Variants in ELK3 observed in about 807,000 individuals in gnomAD.
ELK3 encodes ETS transcription factor ELK3.
Under a neutral mutation model 28.9 loss-of-function variants are expected in ELK3, and 10 were observed. The ratio of observed to expected loss-of-function variants is 0.35; its 90% CI spans 0.21 to 0.59. ELK3 has a LOEUF of 0.59. ELK3 is among the 20% of genes least tolerant of loss of function. The pLI, the probability that ELK3 is intolerant of heterozygous loss-of-function variation, is 0.82. For missense variants in ELK3, 463 were observed against 517.3 expected, an observed-to-expected ratio of 0.90 and a Z score of 1.02; for synonymous variants, 272 against 243.5, an observed-to-expected ratio of 1.12 and a Z score of -1.09.
chr12:96,264,348 C>G (rs189319222), intron 4 of ELK3, among the ~76,000 whole-genome samples: 18 of 152,146 alleles, frequency 1.2e-4, no homozygotes, highest in African/African-American at 4.1e-4. Context: ...ACAGTGGACA[C>G]AGGATATAAT....
intron 2 of ELK3, among the ~76,000 whole-genome samples, chr12:96,243,278 C>T (rs1324055555): frequency 6.6e-6 from 1 of 152,170 alleles, no homozygotes; most frequent in African/African-American, 2.4e-5. Flanking sequence ...ATTTTCATTA[C>T]CTCCTTCCTT....
chr12:96,263,044 T>C (rs1460124720), intron 4 of ELK3, among the ~76,000 whole-genome samples: 1 of 152,118 alleles, frequency 6.6e-6, no homozygotes, highest in Non-Finnish European at 1.5e-5. Context: ...AAGAAAAAAA[T>C]AGATTTGGCT....
chr12:96,232,536 A>C (rs1951749479), intron 2 of ELK3, among the ~76,000 whole-genome samples: 1 of 151,520 alleles, frequency 6.6e-6, no homozygotes, highest in East Asian at 1.9e-4. Flanking sequence ...ACATCACTGC[A>C]CTGCAGCCTG....
chr12:96,215,375 C>T (rs1417755630), intron 1 of ELK3, among the ~76,000 whole-genome samples: 3 of 152,000 alleles, frequency 2.0e-5, no homozygotes, highest in Non-Finnish European at 4.4e-5. Flanking sequence ...ACCTTGTGGC[C>T]GACAGGAAGG....
At chr12:96,196,119 C>A (rs1225250684) in intron 1 of ELK3, among the ~76,000 whole-genome samples, 3 of 152,210 alleles carry the variant, frequency 2.0e-5, no homozygotes, top group African/African-American at 7.2e-5. Flanking sequence ...TGTCTGCACA[C>A]ACACCAACTA....
At chr12:96,259,321 G>A (rs528645086) in intron 3 of ELK3, among the ~76,000 whole-genome samples, 3 of 152,294 alleles carry the variant, frequency 2.0e-5, no homozygotes, top group East Asian at 3.9e-4. Context: ...GGAGGCTGAG[G>A]TGGGCAGATC....
intron 2 of ELK3, among the ~76,000 whole-genome samples, chr12:96,233,258 CAGA>C (rs1951756411): frequency 6.6e-6 from 1 of 152,192 alleles, no homozygotes; most frequent in South Asian, 2.1e-4. Context: ...TCTGTTGTTG[CAGA>C]AGGAGACCTG....
intron 1 of ELK3, 82 bp from the exon 2 acceptor site, chr12:96,223,483 C>A: frequency 3.6e-6 from 5 of 1,378,928 alleles, no homozygotes; most frequent in Non-Finnish European, 5.1e-6. Flanking sequence ...GCTGAGTTGC[C>A]CATTCTGAAG....
intron 1 of ELK3, among the ~76,000 whole-genome samples, chr12:96,210,561 G>GCGCGCACACACACACACACACACA (rs1555193024): frequency 3.5e-5 from 5 of 144,750 alleles, no homozygotes; most frequent in African/African-American, 1.3e-4. Context: ...GCGCGCGGGC[G>GCGCGCACACACACACACACACACA]CACGCACACA....
At chr12:96,220,382 A>ATTTTTTTT (rs35309478) in intron 1 of ELK3, among the ~76,000 whole-genome samples, 1 of 100,344 alleles carries the variant, frequency 1.0e-5, no homozygotes, top group East Asian at 3.2e-4. Flanking sequence ...CTTTTTCGTG[A>ATTTTTTTT]TTTTTTTTTT....
intron 2 of ELK3, 90 bp from the exon 3 acceptor site, chr12:96,246,850 C>T: frequency 3.0e-6 from 4 of 1,348,950 alleles, no homozygotes; most frequent in Non-Finnish European, 4.0e-6. Flanking sequence ...CATTTTGGTG[C>T]TTCTGCCAGC....
chr12:96,207,862 G>A (rs556024054), intron 1 of ELK3, among the ~76,000 whole-genome samples: 5 of 152,190 alleles, frequency 3.3e-5, no homozygotes, highest in Non-Finnish European at 5.9e-5. Context: ...TAAATTATCA[G>A]CAATTCAAAT....
intron 2 of ELK3, among the ~76,000 whole-genome samples, chr12:96,233,110 A>G (rs886857861): frequency 6.6e-6 from 1 of 152,180 alleles, no homozygotes; most frequent in African/African-American, 2.4e-5. Context: ...GGTACCATGA[A>G]TCTATTTCTC....
chr12:96,247,323 G>A lies in ELK3; in HGVS notation c.591G>A (p.Pro197=), dbSNP rs758505088. ...AAACCGACAAGCACGTCACCAGGCCGGTGGTGTCCCTGCCTTCCACGTCAG... is the reference window on the plus strand; with the variant it reads ...AAACCGACAAGCACGTCACCAGGCCAGTGGTGTCCCTGCCTTCCACGTCAG... ...TNKTDKHVTR[P]VVSLPSTSEA... is the part of the protein sequence containing the mutation. The change falls in exon 3 of 5, where the codon CCG becomes CCA. Residue 197 remains proline, a synonymous_variant. Coordinates refer to ENST00000228741, the MANE Select transcript of ELK3 (RefSeq NM_005230.4). The surrounding 1 kb of genome is among the most constrained non-coding windows in gnomAD (Gnocchi z 5.5). 81 of 1,614,114 alleles carry A rather than the reference G, an allele frequency of 5.0e-5. No homozygotes were observed. In the East Asian group the frequency reaches 6.7e-4, roughly 13 times the overall value.
At chr12:96,212,750 T>C (rs1951586121) in intron 1 of ELK3, 1 of 152,156 alleles carries the variant, frequency 6.6e-6, no homozygotes, top group African/African-American at 2.4e-5. Flanking sequence ...GATGTGTGTG[T>C]GTTGAAGACT....
intron 1 of ELK3, among the ~76,000 whole-genome samples, chr12:96,216,113 C>G (rs995752656): frequency 1.6e-4 from 25 of 152,192 alleles, no homozygotes. Flanking sequence ...GAATGCCCTC[C>G]TGTAGGGCCC....
chr12:96,259,031 C>T (rs1022475938), intron 3 of ELK3, among the ~76,000 whole-genome samples: 1 of 152,140 alleles, frequency 6.6e-6, no homozygotes, highest in African/African-American at 2.4e-5. Flanking sequence ...AATAGATGTC[C>T]ACTGTAGAAA....
At chr12:96,264,739 C>T (rs1952017318) in intron 4 of ELK3, among the ~76,000 whole-genome samples, 1 of 152,110 alleles carries the variant, frequency 6.6e-6, no homozygotes, top group Admixed American at 6.5e-5. Flanking sequence ...GAGCCATGAG[C>T]ATGCCACTGC....
intron 3 of ELK3, among the ~76,000 whole-genome samples, chr12:96,254,716 G>A (rs546214559): frequency 1.3e-5 from 2 of 152,108 alleles, no homozygotes; most frequent in East Asian, 1.9e-4. Flanking sequence ...TATCTCAGGT[G>A]CAATACAAAA....
Sources: allele counts gnomAD v4.1 joint callset (sites outside exome capture counted in the v4.1 genomes callset), GRCh38; gene constraint gnomAD v4.1.1; non-coding constraint Gnocchi (gnomAD v3.1); transcripts MANE v1.5; gene names NCBI Gene and HGNC (gene_info 2026-07-23, HGNC 2026-07-21).